Variants in EFCAB5 observed in about 807,000 individuals in gnomAD.
The protein encoded by EFCAB5 is EF-hand calcium-binding domain-containing protein 5.
EFCAB5 carries 131 observed loss-of-function variants against 167.9 expected under a neutral mutation model. That is an observed-to-expected ratio of 0.78 (90% CI 0.68 to 0.90). The LOEUF is 0.90. EFCAB5 is among the 40% of genes least tolerant of loss of function. EFCAB5 has a pLI of 0.00. For synonymous variants in EFCAB5, 574 were observed against 602.8 expected, an observed-to-expected ratio of 0.95 and a Z score of 0.70; for missense variants, 1,663 against 1,745.2, an observed-to-expected ratio of 0.95 and a Z score of 0.84.
At chr17:30,063,757 C>T (rs2070488404) in intron 14 of EFCAB5, among the ~76,000 whole-genome samples, 1 of 152,162 alleles carries the variant, frequency 6.6e-6, no homozygotes, top group Admixed American at 6.5e-5. Context: ...AGGGATCCCC[C>T]TCAGCTAAGT....
At chr17:30,089,495 G>T (rs932070193) in intron 19 of EFCAB5, among the ~76,000 whole-genome samples, 2 of 152,126 alleles carry the variant, frequency 1.3e-5, no homozygotes, top group East Asian at 3.9e-4. Flanking sequence ...GATGGGGAAA[G>T]GGAAAAGAAA....
At chr17:30,062,948 C>T (rs1298624805) in intron 14 of EFCAB5, among the ~76,000 whole-genome samples, 7 of 152,206 alleles carry the variant, frequency 4.6e-5, no homozygotes, top group Admixed American at 4.6e-4. Context: ...AGAACAGTCA[C>T]ACCCCCAGCC....
At chr17:30,099,920 G>A (rs1012848890) in intron 22 of EFCAB5, among the ~76,000 whole-genome samples, 2 of 152,010 alleles carry the variant, frequency 1.3e-5, no homozygotes, top group African/African-American at 4.8e-5. Flanking sequence ...GGCTGGTGGT[G>A]GCCCTGCCCT....
intron 16 of EFCAB5, among the ~76,000 whole-genome samples, 191 bp from the exon 17 acceptor site, chr17:30,080,562 T>G (rs948775859): frequency 6.6e-6 from 1 of 151,542 alleles, no homozygotes; most frequent in Non-Finnish European, 1.5e-5. Context: ...TTTTTTTTTT[T>G]TTGTTTGTTT....
rs765040289 is a variant in EFCAB5 at position 30,056,142 on chromosome 17, A to G, written c.2351A>G (p.Asn784Ser). ...GAACAGGCAAACTTAATCTATGGTA[A>G]CTCCAGGTTCACAGGTACATGTTAA... ...DEEQANLIYG[N>S]SRFTDLHSII... Residue 784 changes from asparagine (N) to serine (S), a missense_variant, in exon 12 of 23, where the codon AAC becomes AGC. Transcript: ENST00000394835. 7 of 1,610,050 alleles carry G rather than the reference A, an allele frequency of 4.3e-6. No homozygotes were observed. Among genetic ancestry groups the G allele is most frequent in the Non-Finnish European group, 8.5e-7 (1 of 1,177,842 alleles).
At chr17:29,963,142 A>G (rs1400432348) in intron 3 of EFCAB5, among the ~76,000 whole-genome samples, 2 of 151,810 alleles carry the variant, frequency 1.3e-5, no homozygotes, top group Admixed American at 6.6e-5. Flanking sequence ...GGATCTCACT[A>G]TGTTACCCAG....
intron 4 of EFCAB5, among the ~76,000 whole-genome samples, chr17:29,988,428 C>T (rs2068336252): frequency 6.6e-6 from 1 of 152,166 alleles, no homozygotes; most frequent in African/African-American, 2.4e-5. Context: ...ACAAGCTCCA[C>T]TTTTTGAGCT....
In EFCAB5 at chr17:29,960,204, G is replaced by A. The variant is rs375044582; in HGVS notation, c.191-8587G>A. Among the ~76,000 whole-genome samples, 51 of 152,332 alleles carry A rather than the reference G, an allele frequency of 3.3e-4. No homozygotes were observed. The South Asian group carries it at 6.4e-3, about 19-fold the overall frequency. ...CTGTACTGTGAGGCCACTGCTGGGG[G>A]ATGGAGGAGGGGTGGTATACGCATT... On this transcript the variant is annotated intron_variant, in intron 3 of 22. Transcript: ENST00000394835.
chr17:29,943,041 A>AT, intron 2 of EFCAB5, among the ~76,000 whole-genome samples: 1 of 147,686 alleles, frequency 6.8e-6, no homozygotes, highest in Non-Finnish European at 1.5e-5. Context: ...GCATCTCCAA[A>AT]ATATATATAT....
Position 29,993,249 on chromosome 17 carries a change from A to T in EFCAB5, c.852A>T (p.Thr284=). 1 of 1,613,976 alleles carries T rather than the reference A, an allele frequency of 6.2e-7. No homozygotes were observed. The highest frequency in any genetic ancestry group is 8.5e-7 in the Non-Finnish European group (1 of 1,179,874). ...IDKIIVKVAN[T]RKQALQEQFD... ...AAATCATAGTCAAGGTGGCCAACAC[A>T]CGGAAACAGGCTCTGCAGGAGCAAT... is the stretch of plus-strand genomic sequence containing the variant. The change falls in exon 5 of 23, where the codon ACA becomes ACT. Residue 284 remains threonine (T), a synonymous_variant. Coordinates refer to ENST00000394835, the MANE Select transcript of EFCAB5 (RefSeq NM_198529.4).
intron 7 of EFCAB5, among the ~76,000 whole-genome samples, chr17:30,003,399 C>T (rs1475491281): frequency 1.3e-5 from 2 of 151,864 alleles, no homozygotes; most frequent in Admixed American, 6.6e-5. Flanking sequence ...CCATATAAGG[C>T]TAAATTTTAT....
At chr17:29,956,708 G>C (rs950083235) in intron 3 of EFCAB5, among the ~76,000 whole-genome samples, 10 of 152,114 alleles carry the variant, frequency 6.6e-5, no homozygotes, top group Non-Finnish European at 1.5e-4. Context: ...TTATGTTGTT[G>C]AGTAACAACA....
chr17:30,034,152 A>G, intron 7 of EFCAB5, 78 bp from the exon 8 acceptor site: 1 of 1,515,686 alleles, frequency 6.6e-7, no homozygotes. Context: ...TTTCATGCAC[A>G]TTGGTTGAAT....
chr17:30,044,012 G>T (rs1026830474), intron 8 of EFCAB5, among the ~76,000 whole-genome samples: 10 of 152,036 alleles, frequency 6.6e-5, no homozygotes, highest in Non-Finnish European at 4.4e-5. Context: ...TATAGACTGG[G>T]AGAAAATATT....
At chr17:29,935,377 A>G (rs1195421813) in intron 1 of EFCAB5, among the ~76,000 whole-genome samples, 2 of 152,044 alleles carry the variant, frequency 1.3e-5, no homozygotes, top group East Asian at 3.9e-4. Flanking sequence ...TGGGCAGCAT[A>G]GTAAGACCTC....
At chr17:30,050,257 C>T (rs1019088093) in intron 8 of EFCAB5, among the ~76,000 whole-genome samples, 2 of 151,884 alleles carry the variant, frequency 1.3e-5, no homozygotes, top group African/African-American at 4.8e-5. Context: ...GCCTCAGCCT[C>T]CCGAGTAGCT....
At chr17:29,973,677 C>A (rs1201717896) in intron 4 of EFCAB5, among the ~76,000 whole-genome samples, 1 of 151,238 alleles carries the variant, frequency 6.6e-6, no homozygotes, top group African/African-American at 2.4e-5. Context: ...AGGGTTTCAC[C>A]ATATTGGCCA....
At chr17:29,966,502 T>A (rs1289952946) in intron 3 of EFCAB5, among the ~76,000 whole-genome samples, 1 of 152,202 alleles carries the variant, frequency 6.6e-6, no homozygotes, top group Non-Finnish European at 1.5e-5. Flanking sequence ...TCGCTGGGCA[T>A]GGTGGCATGC....
intron 7 of EFCAB5, among the ~76,000 whole-genome samples, chr17:30,003,205 A>G (rs1315972987): frequency 1.3e-5 from 2 of 151,442 alleles, no homozygotes; most frequent in Non-Finnish European, 2.9e-5. Context: ...TGCTAAGCCC[A>G]TACCTTGAGC....
Sources: allele counts gnomAD v4.1 joint callset (sites outside exome capture counted in the v4.1 genomes callset), GRCh38; gene constraint gnomAD v4.1.1; transcripts MANE v1.5; gene names NCBI Gene and HGNC (gene_info 2026-07-23, HGNC 2026-07-21).